SNX29: variants seen among roughly 807,000 people sequenced by gnomAD.
The protein encoded by SNX29 is sorting nexin-29.
SNX29 carries 78 observed loss-of-function variants against 102.1 expected under a neutral mutation model. The ratio of observed to expected loss-of-function variants is 0.76; its 90% CI spans 0.64 to 0.92. The LOEUF (loss-of-function observed/expected upper bound fraction) is 0.92, where lower values mean the gene tolerates loss of function less well. Among genes scored for constraint, SNX29 ranks in the 40% least tolerant of loss-of-function variants. The pLI is 0.00. For missense variants in SNX29, 1,280 were observed against 1,061.7 expected (o/e 1.21, Z -2.86); for synonymous variants, 580 against 414.5 (o/e 1.40, Z -4.85).
intron 2 of SNX29, among the ~76,000 whole-genome samples, chr16:12,001,087 A>G (rs2056269501): frequency 6.6e-6 from 1 of 152,108 alleles, no homozygotes; most frequent in Non-Finnish European, 1.5e-5. Context: ...AGTTAGAGAG[A>G]AATAAAGTGG....
intron 20 of SNX29, among the ~76,000 whole-genome samples, chr16:12,535,781 G>C (rs985578103): frequency 6.6e-6 from 1 of 151,902 alleles, no homozygotes; most frequent in Non-Finnish European, 1.5e-5. Flanking sequence ...GAGGTCCTCA[G>C]AGTATAGAGG....
intron 20 of SNX29, 47 bp from the exon 21 acceptor site, chr16:12,568,459 T>C (rs1405675005): frequency 1.9e-5 from 30 of 1,602,588 alleles, no homozygotes; most frequent in Non-Finnish European, 2.3e-5. Flanking sequence ...TGTGGTCATT[T>C]GCTTTTCATC....
chr16:12,203,858 C>G (rs138785423), intron 14 of SNX29, among the ~76,000 whole-genome samples: 20 of 152,208 alleles, frequency 1.3e-4, no homozygotes, highest in Admixed American at 1.2e-3. Flanking sequence ...TGTCACATGG[C>G]TTGAGTGACT....
intron 19 of SNX29, among the ~76,000 whole-genome samples, chr16:12,516,715 G>C (rs2062358239): frequency 6.6e-6 from 1 of 152,138 alleles, no homozygotes; most frequent in South Asian, 2.1e-4. Flanking sequence ...AAAAGAAAAA[G>C]AACTTTGGAA....
At position 12,569,880 on chromosome 16, in the gene SNX29, TTG is replaced by T. The variant is rs1282720967; in HGVS notation, c.*1257_*1258del. ...TGAAATGGACTATGCAAGAGTAAGT[TTG>T]TGTGTTTCGCCTTAATCTGAGGCAG... On this transcript the variant is annotated 3_prime_UTR_variant, in exon 21 of 21. Transcript: ENST00000566228. The T allele has an allele frequency of 8.6e-6, 2 of 231,446 alleles. No homozygotes were observed. Among genetic ancestry groups the T allele is most frequent in the East Asian group, 6.1e-5 (1 of 16,394 alleles). The allele number at this position is 231,446 out of a possible 1,614,324, so 14.3% of individuals were successfully genotyped here. A position where few individuals can be genotyped will look rare whatever the true frequency, so the allele number is the denominator to read the frequency against.
chr16:12,555,075 G>A (rs2078244179), intron 20 of SNX29, among the ~76,000 whole-genome samples: 1 of 151,962 alleles, frequency 6.6e-6, no homozygotes, highest in South Asian at 2.1e-4. Context: ...TTGTGGGGAG[G>A]TGGAGGAAAA....
At chr16:12,040,787 A>G (rs893139125) in intron 4 of SNX29, among the ~76,000 whole-genome samples, 1 of 152,246 alleles carries the variant, frequency 6.6e-6, no homozygotes, top group Admixed American at 6.5e-5. Flanking sequence ...ATACAAAATT[A>G]CACATATAAA....
At position 12,382,275 on chromosome 16, in the gene SNX29, G is replaced by C. The variant is rs78647550; in HGVS notation, c.1900-16171G>C. On this transcript the variant is annotated intron_variant, in intron 16 of 20. Coordinates refer to ENST00000566228, the MANE Select transcript of SNX29 (RefSeq NM_032167.5). Reference sequence around the variant, plus strand: ...AACTGAGAAAAGCGAAGGTTAGAGAGGTCAGGTGCTTTTGTTAAGATAGCA... The same window carrying C: ...AACTGAGAAAAGCGAAGGTTAGAGACGTCAGGTGCTTTTGTTAAGATAGCA... 5.7e-3 allele frequency among the ~76,000 whole-genome samples: 865 copies of C among 152,298 alleles called. 5 individuals carry two copies. The highest frequency in any genetic ancestry group is 0.02 in the African/African-American group (823 of 41,556).
At chr16:12,533,295 C>T (rs893146203) in intron 20 of SNX29, among the ~76,000 whole-genome samples, 6 of 152,240 alleles carry the variant, frequency 3.9e-5, no homozygotes, top group African/African-American at 1.4e-4. Flanking sequence ...CCTGGAAAGT[C>T]AGCCCTAGTC....
chr16:12,497,013 C>T (rs967504468), intron 19 of SNX29, among the ~76,000 whole-genome samples: 2 of 152,168 alleles, frequency 1.3e-5, no homozygotes, highest in Admixed American at 6.5e-5. Flanking sequence ...TGAGTGTGGC[C>T]TTGGGTGAAG....
intron 9 of SNX29, among the ~76,000 whole-genome samples, chr16:12,068,115 A>C (rs2051121780): frequency 6.6e-6 from 1 of 152,154 alleles, no homozygotes; most frequent in Non-Finnish European, 1.5e-5. Context: ...AAGCTGATTC[A>C]TTATACCCGG....
chr16:12,414,398 A>C (rs2084538912), intron 18 of SNX29, among the ~76,000 whole-genome samples: 1 of 152,130 alleles, frequency 6.6e-6, no homozygotes, highest in Non-Finnish European at 1.5e-5. Flanking sequence ...AAAGTAAGAG[A>C]GGTGTTTGGA....
chr16:12,544,601 A>C (rs965406803), intron 20 of SNX29, among the ~76,000 whole-genome samples: 1 of 151,930 alleles, frequency 6.6e-6, no homozygotes, highest in Non-Finnish European at 1.5e-5. Context: ...ATGAGTTGTC[A>C]CTCCTGACTC....
At chr16:12,369,428 GC>G (rs1194595992) in intron 16 of SNX29, among the ~76,000 whole-genome samples, 2 of 152,106 alleles carry the variant, frequency 1.3e-5, no homozygotes, top group Non-Finnish European at 2.9e-5. Context: ...GAGCCACCGT[GC>G]CCGGCCGCAT....
At chr16:12,564,284 G>A (rs1034953852) in intron 20 of SNX29, among the ~76,000 whole-genome samples, 2 of 152,204 alleles carry the variant, frequency 1.3e-5, no homozygotes, top group Admixed American at 6.5e-5. Context: ...ACCAGTAAAA[G>A]TTCCTATGAA....
chr16:12,405,100 T>G (rs2084108139), intron 18 of SNX29, among the ~76,000 whole-genome samples: 1 of 152,214 alleles, frequency 6.6e-6, no homozygotes, highest in African/African-American at 2.4e-5. Flanking sequence ...AAACCCAACT[T>G]TCTTATTTGA....
At chr16:12,473,930 C>A (rs942334770) in intron 18 of SNX29, among the ~76,000 whole-genome samples, 23 of 152,182 alleles carry the variant, frequency 1.5e-4, no homozygotes, top group African/African-American at 5.5e-4. Flanking sequence ...CAGCAGCTCT[C>A]GGGGCTGCTC....
intron 19 of SNX29, among the ~76,000 whole-genome samples, chr16:12,521,791 C>G (rs2090111229): frequency 6.6e-6 from 1 of 152,226 alleles, no homozygotes; most frequent in African/African-American, 2.4e-5. Context: ...GGAGCAGAAC[C>G]AGCATTCAGA....
intron 15 of SNX29, among the ~76,000 whole-genome samples, chr16:12,349,389 A>G (rs1004443012): frequency 1.3e-5 from 2 of 152,230 alleles, no homozygotes; most frequent in African/African-American, 2.4e-5. Flanking sequence ...CATTATTTCA[A>G]TGAACATTTC....
Sources: gnomAD v4.1 joint callset for allele counts (sites outside exome capture counted in the v4.1 genomes callset) on GRCh38, gnomAD v4.1.1 for gene constraint, MANE v1.5 for transcripts, NCBI Gene and HGNC (gene_info 2026-07-23, HGNC 2026-07-21) for gene names.